TRABD2A: variants seen among roughly 807,000 people sequenced by gnomAD.
The protein encoded by TRABD2A is metalloprotease TIKI1.
TRABD2A carries 43 observed loss-of-function variants against 45.6 expected under a neutral mutation model. That is an observed-to-expected ratio of 0.94 (90% CI 0.74 to 1.22). The LOEUF is 1.22. TRABD2A is among the 50% of genes most tolerant of loss of function. The probability of loss-of-function intolerance (pLI) is 0.00; values close to 1 mark genes in which losing one functional copy is unlikely to be tolerated. For missense variants in TRABD2A, 642 were observed against 652.4 expected, an observed-to-expected ratio of 0.98 and a Z score of 0.17; for synonymous variants, 269 against 265.0, an observed-to-expected ratio of 1.02 and a Z score of -0.15.
Position 84,830,552 on chromosome 2 carries a change from G to A in TRABD2A, c.1082+1503C>T, listed in dbSNP as rs998278175. On this transcript the variant is annotated intron_variant, in intron 5 of 6. Coordinates refer to ENST00000409520, the MANE Select transcript of TRABD2A (RefSeq NM_001277053.2). The surrounding 1 kb of genome is among the most constrained non-coding windows in gnomAD (Gnocchi z 4.9). The stretch of plus-strand genomic sequence containing the variant: ...GAGGGAGAAGGGCCTGGAAGGGGGC[G>A]GTGGCCATGGAAATGGAGAAGGACA... Among the ~76,000 whole-genome samples the A allele has an allele frequency of 3.3e-5, 5 of 152,222 alleles. No individual in the cohort carries two copies. Among genetic ancestry groups the A allele is most frequent in the East Asian group, 1.9e-4 (1 of 5,202 alleles).
intron 1 of TRABD2A, among the ~76,000 whole-genome samples, chr2:84,871,882 G>A (rs1682881445): frequency 6.6e-6 from 1 of 152,152 alleles, no homozygotes; most frequent in Non-Finnish European, 1.5e-5. Context: ...GTTTGCTCTT[G>A]TCCCTTTAGG....
At position 84,870,703 on chromosome 2, in the gene TRABD2A, G is replaced by T. The variant is rs1682848491; in HGVS notation, c.191C>A (p.Thr64Asn). The change falls in exon 2 of 7, where the codon ACC (threonine) becomes AAC (asparagine). Residue 64 changes from threonine (T) to asparagine (N), a missense_variant. By Grantham distance (65) the Thr-to-Asn change is moderately conservative. Coordinates refer to ENST00000409520, the MANE Select transcript of TRABD2A (RefSeq NM_001277053.2). ...GTCGGGGATGAAGTCCCAAACTCGG[G>T]TGTACGGGACATGGATTGTGCCAAA... ...YFFGTIHVPYTRVWDFIPDNS... is the reference protein window; with the variant it reads ...YFFGTIHVPYNRVWDFIPDNS... 5 of 1,604,630 alleles carry T rather than the reference G, an allele frequency of 3.1e-6. No homozygotes were observed. Among genetic ancestry groups the T allele is most frequent in the Non-Finnish European group, 4.3e-6 (5 of 1,175,412 alleles).
intron 6 of TRABD2A, among the ~76,000 whole-genome samples, chr2:84,822,951 G>A (rs922702466): frequency 2.6e-5 from 4 of 152,066 alleles, no homozygotes; most frequent in African/African-American, 9.7e-5. Context: ...TAACGCAATC[G>A]TTCCCTCCAA....
intron 1 of TRABD2A, among the ~76,000 whole-genome samples, chr2:84,873,840 TAA>T (rs1161513303): frequency 6.6e-6 from 1 of 152,212 alleles, no homozygotes; most frequent in Admixed American, 6.5e-5. Flanking sequence ...CTGACCTATA[TAA>T]GAGATCTAAT....
chr2:84,834,076 ACT>A (rs1286489143), intron 4 of TRABD2A: 1 of 150,936 alleles, frequency 6.6e-6, no homozygotes, highest in African/African-American at 2.4e-5. Flanking sequence ...AGAAGCCCAC[ACT>A]CCAGCACCTG....
intron 2 of TRABD2A, among the ~76,000 whole-genome samples, chr2:84,855,728 G>C (rs1682276152): frequency 6.6e-6 from 1 of 151,784 alleles, no homozygotes; most frequent in South Asian, 2.1e-4. Flanking sequence ...AATCGATTAA[G>C]CTCCTGTCCA....
At chr2:84,878,264 C>T (rs1459347992) in intron 1 of TRABD2A, among the ~76,000 whole-genome samples, 2 of 152,166 alleles carry the variant, frequency 1.3e-5, no homozygotes, top group African/African-American at 4.8e-5. Context: ...CGGTGGCTCA[C>T]GCCTATAATC....
At position 84,824,063 on chromosome 2, in the gene TRABD2A, A is replaced by G; in HGVS notation, c.1224T>C (p.Ser408=). The change falls in exon 6 of 7, where the codon AGT becomes AGC. Residue 408 remains serine, a synonymous_variant. Coordinates refer to ENST00000409520, the MANE Select transcript of TRABD2A (RefSeq NM_001277053.2). ...TLPPLVSRPG[S]ADTPSEAEQR... The stretch of plus-strand genomic sequence containing the variant: ...GTTCGGCCTCACTGGGCGTGTCGGC[A>G]CTTCCAGGCCGGGACACAAGGGGAG... 1.9e-6 allele frequency: 3 copies of G among 1,613,798 alleles called. No individual in the cohort carries two copies. The highest frequency in any genetic ancestry group is 2.5e-6 in the Non-Finnish European group (3 of 1,179,792).
chr2:84,840,363 T>C (rs1185917844), intron 3 of TRABD2A, among the ~76,000 whole-genome samples: 2 of 152,122 alleles, frequency 1.3e-5, no homozygotes, highest in Non-Finnish European at 2.9e-5. Flanking sequence ...CCCCCCTCTC[T>C]ACCAGCCTCT....
chr2:84,848,282 T>C (rs6745186), intron 2 of TRABD2A, among the ~76,000 whole-genome samples: 40,435 of 151,002 alleles, frequency 0.27, 6,051 homozygotes, highest in African/African-American at 0.4. Context: ...ACCACTGCTG[T>C]CAACACATTG....
chr2:84,869,330 C>T (rs916422482), intron 2 of TRABD2A, among the ~76,000 whole-genome samples: 14 of 152,194 alleles, frequency 9.2e-5, no homozygotes, highest in Admixed American at 7.2e-4. Flanking sequence ...GTGTCTAATG[C>T]ACTTTAAACA....
intron 2 of TRABD2A, among the ~76,000 whole-genome samples, chr2:84,853,544 G>T (rs866932934): frequency 3.3e-5 from 5 of 152,196 alleles, no homozygotes; most frequent in Non-Finnish European, 7.3e-5. Flanking sequence ...GACACATGGG[G>T]ATTATGGAAA....
intron 1 of TRABD2A, chr2:84,874,730 A>G (rs991659258): frequency 4.2e-6 from 1 of 236,108 alleles, no homozygotes; most frequent in Non-Finnish European, 8.5e-6. Context: ...TCTCCAAAAA[A>G]GGTTGGTGAT....
chr2:84,870,127 G>T, intron 2 of TRABD2A, 98 bp downstream of exon 2: 1 of 1,233,982 alleles, frequency 8.1e-7, no homozygotes, highest in South Asian at 1.5e-5. Context: ...ACAATTTCTA[G>T]ACAAGCTGTG....
chr2:84,844,346 C>A (rs528843800), intron 2 of TRABD2A, among the ~76,000 whole-genome samples: 6 of 152,180 alleles, frequency 3.9e-5, no homozygotes, highest in African/African-American at 1.2e-4. Context: ...CCCCTGCACA[C>A]GCTCTCTTGC....
intron 1 of TRABD2A, among the ~76,000 whole-genome samples, chr2:84,875,379 G>C (rs1682994857): frequency 6.6e-6 from 1 of 152,222 alleles, no homozygotes; most frequent in African/African-American, 2.4e-5. Flanking sequence ...TGGAAGACCA[G>C]CAAGGAGGCC....
At chr2:84,827,351 G>A (rs900630251) in intron 5 of TRABD2A, among the ~76,000 whole-genome samples, 2 of 152,178 alleles carry the variant, frequency 1.3e-5, no homozygotes, top group African/African-American at 2.4e-5. Flanking sequence ...CAAGATAATT[G>A]ACCTTTCTGA....
chr2:84,863,704 C>A (rs1411997848), intron 2 of TRABD2A, among the ~76,000 whole-genome samples: 2 of 148,440 alleles, frequency 1.3e-5, no homozygotes, highest in South Asian at 2.1e-4. Flanking sequence ...CTCTGCCCTC[C>A]GAGTTCAAGT....
rs558399270 is a variant in TRABD2A, at chr2:84,863,405, C to T, written c.669+6820G>A. Among the ~76,000 whole-genome samples, 209 of 150,026 alleles carry T rather than the reference C, an allele frequency of 1.4e-3. 1 individual carries two copies. In the Middle Eastern group the frequency reaches 0.014, roughly 10 times the overall value. The stretch of plus-strand genomic sequence containing the variant: ...GACTACAGGCGCCAGCCATCACGCC[C>T]GGCTAATTTTTTGTATTTTTAGTAG... On this transcript the variant is annotated intron_variant, in intron 2 of 6. Coordinates refer to ENST00000409520, the MANE Select transcript of TRABD2A (RefSeq NM_001277053.2).
Sources: gnomAD v4.1 joint callset for allele counts (sites outside exome capture counted in the v4.1 genomes callset) on GRCh38, gnomAD v4.1.1 for gene constraint, Gnocchi (gnomAD v3.1) non-coding constraint, MANE v1.5 for transcripts, NCBI Gene and HGNC (gene_info 2026-07-23, HGNC 2026-07-21) for gene names.